FBXW11: variants seen among roughly 807,000 people sequenced by gnomAD.
The protein encoded by FBXW11 is F-box and WD repeat domain containing 11, also known as F-box/WD repeat-containing protein 11.
A neutral mutation model predicts 77.6 loss-of-function variants in FBXW11; 19 were observed. That is an observed-to-expected ratio of 0.24 (90% CI 0.17 to 0.36). The LOEUF is 0.36. Ranked by LOEUF, FBXW11 falls within the 10% of genes least tolerant of loss-of-function variation. The probability of loss-of-function intolerance (pLI) is 1.00; values close to 1 mark genes in which losing one functional copy is unlikely to be tolerated. For missense variants in FBXW11, 334 were observed against 704.2 expected (o/e 0.47, Z 5.95); for synonymous variants, 235 against 249.4 (o/e 0.94, Z 0.54).
chr5:171,985,754 A>G (rs192069398), intron 1 of FBXW11, among the ~76,000 whole-genome samples: 1 of 152,220 alleles, frequency 6.6e-6, no homozygotes, highest in Admixed American at 6.5e-5. Context: ...TGGGGAACAG[A>G]GCAAGAAGAC....
At chr5:171,966,993 C>A (rs1452561921) in intron 1 of FBXW11, among the ~76,000 whole-genome samples, 1 of 152,178 alleles carries the variant, frequency 6.6e-6, no homozygotes, top group Non-Finnish European at 1.5e-5. Context: ...AAACTGCATT[C>A]TATCTGACTC....
intron 2 of FBXW11, among the ~76,000 whole-genome samples, chr5:171,920,141 C>T (rs1761506518): frequency 6.6e-6 from 1 of 151,800 alleles, no homozygotes; most frequent in Admixed American, 6.6e-5. Context: ...CCAGTCTGGG[C>T]AACAGAGCGA....
At chr5:171,961,751 A>T (rs10452505) in intron 1 of FBXW11, among the ~76,000 whole-genome samples, 92 of 152,204 alleles carry the variant, frequency 6.0e-4, no homozygotes, top group African/African-American at 2.1e-3. Context: ...GGTTCAAGCA[A>T]TTCTCCTGCC....
At chr5:171,961,242 C>T (rs1337444745) in intron 1 of FBXW11, among the ~76,000 whole-genome samples, 4 of 152,208 alleles carry the variant, frequency 2.6e-5, no homozygotes, top group African/African-American at 9.7e-5. Flanking sequence ...TGTGATGCAA[C>T]TGCCAATATC....
At chr5:171,909,706 T>TGC (rs943697316) in intron 4 of FBXW11, among the ~76,000 whole-genome samples, 5 of 152,116 alleles carry the variant, frequency 3.3e-5, no homozygotes, top group African/African-American at 1.2e-4. Context: ...TGTGTGTGTG[T>TGC]GCACGTGCGC....
chr5:171,971,697 G>A (rs754784161), intron 1 of FBXW11, among the ~76,000 whole-genome samples: 2 of 152,172 alleles, frequency 1.3e-5, no homozygotes, highest in Non-Finnish European at 2.9e-5. Flanking sequence ...AACAACTATA[G>A]GGAGGCTGGG....
chr5:171,985,822 C>A lies in FBXW11; in HGVS notation c.45+20636G>T, dbSNP rs182733792. ...CTTAGCCAGACATGGTGGCATGCAC[C>A]AGCAGTCCCAACTACTTGGGAGGCT... On this transcript the variant is annotated intron_variant, in intron 1 of 13. Transcript: ENST00000517395. Among the ~76,000 whole-genome samples, 17 of 152,202 alleles carry A rather than the reference C, an allele frequency of 1.1e-4. No individual in the cohort carries two copies. The East Asian group carries it at 2.3e-3, about 21-fold the overall frequency.
chr5:171,866,734 A>G lies in FBXW11; in HGVS notation c.*25+1876T>C, dbSNP rs115591828. ...TACTTGGGTCCATTCCTCCTTCCCT[A>G]TATTTTCTTAGGCTTATTGGGAGGG... is the stretch of plus-strand genomic sequence containing the variant. On this transcript the variant is annotated intron_variant, in intron 13 of 13. Coordinates refer to ENST00000517395, the MANE Select transcript of FBXW11 (RefSeq NM_001378974.1). Among the ~76,000 whole-genome samples the G allele has an allele frequency of 9.7e-3, 1,475 of 152,238 alleles. 10 individuals carry two copies. The highest frequency in any genetic ancestry group is 0.016 in the Non-Finnish European group (1,062 of 68,012).
chr5:172,001,548 A>G (rs1766412484), intron 1 of FBXW11, among the ~76,000 whole-genome samples: 1 of 152,242 alleles, frequency 6.6e-6, no homozygotes, highest in Non-Finnish European at 1.5e-5. Context: ...CCTTCCCATG[A>G]GGAGTTTATC....
chr5:171,902,469 C>T (rs1239330479), intron 4 of FBXW11, among the ~76,000 whole-genome samples: 1 of 152,168 alleles, frequency 6.6e-6, no homozygotes, highest in Non-Finnish European at 1.5e-5. Context: ...ATTCTGTATA[C>T]ATCCTTCTAG....
At chr5:171,973,348 C>A (rs1446964910) in intron 1 of FBXW11, among the ~76,000 whole-genome samples, 2 of 152,090 alleles carry the variant, frequency 1.3e-5, no homozygotes, top group Admixed American at 6.5e-5. Flanking sequence ...TTTATAGATT[C>A]AAAGAGATAT....
At chr5:171,946,439 A>C (rs999831256) in intron 2 of FBXW11, among the ~76,000 whole-genome samples, 11 of 152,202 alleles carry the variant, frequency 7.2e-5, no homozygotes, top group African/African-American at 2.7e-4. Context: ...AATAAAAGCC[A>C]AAGTCTACGA....
chr5:171,960,278 G>A (rs1456290127), intron 1 of FBXW11, among the ~76,000 whole-genome samples: 1 of 152,186 alleles, frequency 6.6e-6, no homozygotes, highest in Non-Finnish European at 1.5e-5. Context: ...GGAAGGCTGG[G>A]GTGGGAGGAT....
chr5:171,870,916 G>GT lies in FBXW11; in HGVS notation c.1341-59dup, dbSNP rs1377955033. ...TTCCCACACACGATTCACACTATCCGTAAGTTTTTTATATCTGTTCCATAC... is the reference window on the plus strand; with the variant it reads ...TTCCCACACACGATTCACACTATCCGTTAAGTTTTTTATATCTGTTCCATAC... On this transcript the variant is annotated intron_variant, in intron 10 of 13. Transcript: ENST00000517395. 3.8e-5 allele frequency: 48 copies of GT among 1,269,350 alleles called. No homozygotes were observed. The Middle Eastern group carries it at 5.6e-4, about 15-fold the overall frequency. The allele number at this position is 1,269,350 out of a possible 1,614,324, so 78.6% of individuals were successfully genotyped here. A position where few individuals can be genotyped will look rare whatever the true frequency, so the allele number is the denominator to read the frequency against.
intron 13 of FBXW11, among the ~76,000 whole-genome samples, chr5:171,867,275 G>C (rs914986244): frequency 2.6e-5 from 4 of 152,154 alleles, no homozygotes; most frequent in African/African-American, 9.7e-5. Flanking sequence ...CTCTGCCACT[G>C]AAGCACAAAA....
intron 8 of FBXW11, among the ~76,000 whole-genome samples, chr5:171,877,722 C>G (rs1392146299): frequency 6.6e-6 from 1 of 152,136 alleles, no homozygotes. Flanking sequence ...TGTCTCCTCT[C>G]TGCTCTGGAC....
chr5:171,886,113 T>C (rs1174783204), intron 7 of FBXW11, among the ~76,000 whole-genome samples: 3 of 152,242 alleles, frequency 2.0e-5, no homozygotes, highest in Non-Finnish European at 4.4e-5. Flanking sequence ...TTATAAACCA[T>C]TCTTAACTAT....
chr5:171,931,798 T>TTC (rs888011475), intron 2 of FBXW11, among the ~76,000 whole-genome samples: 3 of 104,126 alleles, frequency 2.9e-5, no homozygotes, highest in African/African-American at 7.8e-5. Context: ...CAGAAACAAT[T>TTC]TCTCTCTCTC....
chr5:171,996,166 C>T (rs1405111978), intron 1 of FBXW11, among the ~76,000 whole-genome samples: 1 of 152,152 alleles, frequency 6.6e-6, no homozygotes, highest in Non-Finnish European at 1.5e-5. Context: ...GACGACCTGC[C>T]AAGAGACCTC....
Sources: allele counts gnomAD v4.1 joint callset (sites outside exome capture counted in the v4.1 genomes callset), GRCh38; gene constraint gnomAD v4.1.1; transcripts MANE v1.5; gene names NCBI Gene and HGNC (gene_info 2026-07-23, HGNC 2026-07-21).